Variants in KMT2B observed in about 807,000 individuals in gnomAD.
KMT2B encodes the protein histone-lysine N-methyltransferase 2B.
A neutral mutation model predicts 255.3 loss-of-function variants in KMT2B; 22 were observed. The ratio of observed to expected loss-of-function variants is 0.09; its 90% confidence interval spans 0.06 to 0.12. KMT2B has a LOEUF of 0.12. KMT2B is among the 10% of genes least tolerant of loss of function. The pLI is 1.00. For missense variants in KMT2B, 3,149 were observed against 3,737.0 expected (o/e 0.84, Z 4.10); for synonymous variants, 1,730 against 1,498.1 (o/e 1.15, Z -3.57).
intron 19 of KMT2B, 74 bp downstream of exon 19, chr19:35,728,245 G>A: frequency 7.5e-7 from 1 of 1,325,878 alleles, no homozygotes; most frequent in Non-Finnish European, 1.1e-6. Context: ...GCCACGCTGG[G>A]CTGAGAAGAG....
rs746794862 is a variant in KMT2B at position 35,730,794 on chromosome 19, G to T, written c.5364G>T (p.Pro1788=). The part of the protein sequence containing the change: ...CRILEYRPWG[P]REEPAHLEAA... The stretch of plus-strand genomic sequence containing the variant: ...TTCTGGAGTATCGGCCATGGGGGCC[G>T]AGGGAAGAGCCAGCTCACCTGGAGG... The change falls in exon 26 of 37, where the codon CCG becomes CCT. Residue 1788 remains proline (P), a synonymous_variant. Coordinates refer to ENST00000420124, the MANE Select transcript of KMT2B (RefSeq NM_014727.3). 6.2e-7 allele frequency: 1 copy of T among 1,613,622 alleles called. No homozygotes were observed. The highest frequency in any genetic ancestry group is 1.3e-5 in the African/African-American group (1 of 74,942).
Position 35,726,280 on chromosome 19 carries a change from A to G in KMT2B, c.3930A>G (p.Pro1310=). The G allele has an allele frequency of 6.2e-7, 1 of 1,613,842 alleles. No individual in the cohort carries two copies. Among genetic ancestry groups the G allele is most frequent in the Non-Finnish European group, 8.5e-7 (1 of 1,179,858 alleles). ...CVRCKSCGAT[P]GKNWDVEWSG... ...GCTGTAAGAGCTGTGGGGCAACTCC[A>G]GGCAAGAACTGGGACGTCGAGTGGT... The change falls in exon 14 of 37, where the codon CCA becomes CCG. Residue 1310 remains proline, a synonymous_variant. Transcript: ENST00000420124.
At chr19:35,728,916 C>T in intron 20 of KMT2B, 27 bp downstream of exon 20, 1 of 1,612,404 alleles carries the variant, frequency 6.2e-7, no homozygotes, top group Non-Finnish European at 8.5e-7. Flanking sequence ...GTCCAGAAGC[C>T]AGGGCCCTGT....
chr19:35,720,672 C>T lies in KMT2B; in HGVS notation c.1325C>T (p.Pro442Leu). The T allele has an allele frequency of 1.4e-6, 2 of 1,480,014 alleles. No individual in the cohort carries two copies. The highest frequency in any genetic ancestry group is 1.4e-5 in the African/African-American group (1 of 69,280). 91.7% of individuals were successfully genotyped at this position (1,480,014 alleles called of 1,614,324 possible). A position where few individuals can be genotyped will look rare whatever the true frequency, so the allele number is the denominator to read the frequency against. ...PPPPVSPPPL[P>L]SPPPPPAQEE... ...CCCCCAGTGTCCCCACCACCTCTAC[C>T]ATCCCCTCCACCGCCTCCTGCCCAA... Residue 442 changes from proline to leucine, a missense_variant, in exon 3 of 37, where the codon CCA (proline) becomes CTA (leucine). Coordinates refer to ENST00000420124, the MANE Select transcript of KMT2B (RefSeq NM_014727.3).
chr19:35,719,787 G>C lies in KMT2B; in HGVS notation c.440G>C (p.Arg147Pro). 6.3e-7 allele frequency: 1 copy of C among 1,587,038 alleles called. No individual in the cohort carries two copies. Among genetic ancestry groups the C allele is most frequent in the Non-Finnish European group, 8.6e-7 (1 of 1,167,584 alleles). ...CCCACAACTATTCTCCTTTTAGGTC[G>C]AGCGCCCCGAGGTCGGGGTCGCAAG... is the stretch of plus-strand genomic sequence containing the variant. ...LRSALRSQRG[R>P]APRGRGRKHK... Residue 147 changes from arginine (R) to proline (P), a missense_variant, in exon 3 of 37, where the codon CGA becomes CCA. Physicochemically the swap from Arg to Pro is moderately radical, Grantham distance 103. Transcript: ENST00000420124.
chr19:35,730,919 C>A, intron 26 of KMT2B, 52 bp downstream of exon 26: 1 of 1,500,758 alleles, frequency 6.7e-7, no homozygotes, highest in Non-Finnish European at 8.9e-7. Context: ...CTAAACAAAC[C>A]TACAGATCTC....
intron 13 of KMT2B, 32 bp from the exon 14 acceptor site, chr19:35,726,204 G>A: frequency 6.4e-7 from 1 of 1,553,232 alleles, no homozygotes; most frequent in South Asian, 1.1e-5. Context: ...TCCAGTGCCT[G>A]GTTTTCCCCT....
At position 35,728,125 on chromosome 19, in the gene KMT2B, G is replaced by A. The variant is rs1026487026; in HGVS notation, c.4525G>A (p.Asp1509Asn). ...KLLESAFGWF[D>N]AHDPKYWRRS... ...GCTAGAATCTGCGTTCGGCTGGTTC[G>A]ACGCCCACGACCCCAAGTACTGGCG... The change falls in exon 19 of 37, where the codon GAC (aspartate) becomes AAC (asparagine). Residue 1509 changes from aspartate to asparagine, a missense_variant. By Grantham distance (23) the Asp-to-Asn change is conservative. This residue lies in a region of KMT2B where 377 missense variants were observed against 471.0 expected (regional missense o/e 0.80). Coordinates refer to ENST00000420124, the MANE Select transcript of KMT2B (RefSeq NM_014727.3). 6.3e-6 allele frequency: 10 copies of A among 1,599,790 alleles called. No individual in the cohort carries two copies. The highest frequency in any genetic ancestry group is 8.5e-6 in the Non-Finnish European group (10 of 1,173,760).
intron 3 of KMT2B, 60 bp downstream of exon 3, chr19:35,721,864 C>T: frequency 6.8e-7 from 1 of 1,472,044 alleles, no homozygotes; most frequent in Non-Finnish European, 9.0e-7. Flanking sequence ...TTCTTTGCAA[C>T]CCCCTAACCT....
chr19:35,728,064 C>T, intron 18 of KMT2B, 34 bp from the exon 19 acceptor site: 4 of 1,573,526 alleles, frequency 2.5e-6, no homozygotes, highest in Non-Finnish European at 2.6e-6. Context: ...CCTGGGGAAG[C>T]TGGCTCTTCT....
Position 35,725,309 on chromosome 19 carries a change from G to C in KMT2B, c.3618G>C (p.Leu1206=). The change falls in exon 11 of 37, where the codon CTG becomes CTC. Residue 1206 remains leucine (L), a synonymous_variant. Transcript: ENST00000420124. The surrounding 1 kb of genome is among the most constrained non-coding windows in gnomAD (Gnocchi z 4.1). The stretch of plus-strand genomic sequence containing the variant: ...GGGGCCCCCCGATGGTGTGCTTGCT[G>C]TGTGCCAGCAAAGGACTCCACGAGG... ...VPGGPPMVCL[L]CASKGLHELV... 6.4e-7 allele frequency: 1 copy of C among 1,570,112 alleles called. No homozygotes were observed. The highest frequency in any genetic ancestry group is 8.6e-7 in the Non-Finnish European group (1 of 1,158,118).
chr19:35,726,929 A>C (rs1251079863), intron 14 of KMT2B, among the ~76,000 whole-genome samples: 2 of 145,748 alleles, frequency 1.4e-5, no homozygotes, highest in Non-Finnish European at 3.0e-5. Context: ...GGTTGCAGTG[A>C]GCGGAGATCT....
At position 35,721,651 on chromosome 19, in the gene KMT2B, G is replaced by C; in HGVS notation, c.2304G>C (p.Gln768His). ...PQLQPPPSPQ[Q>H]MPPLEKARIA... is the part of the protein sequence containing the mutation. ...TGCAGCCACCGCCGTCACCACAGCAGATGCCTCCCCTGGAAAAAGCCCGGA... is the reference window on the plus strand; with the variant it reads ...TGCAGCCACCGCCGTCACCACAGCACATGCCTCCCCTGGAAAAAGCCCGGA... The change falls in exon 3 of 37, where the codon CAG (glutamine) becomes CAC (histidine). Residue 768 changes from glutamine to histidine, a missense_variant. Physicochemically the swap from Gln to His is conservative, Grantham distance 24. Coordinates refer to ENST00000420124, the MANE Select transcript of KMT2B (RefSeq NM_014727.3). 6.2e-7 allele frequency: 1 copy of C among 1,613,490 alleles called. No individual in the cohort carries two copies. The highest frequency in any genetic ancestry group is 1.1e-5 in the South Asian group (1 of 91,058).
At chr19:35,734,352 A>C (rs1354126942) in intron 30 of KMT2B, among the ~76,000 whole-genome samples, 5 of 152,176 alleles carry the variant, frequency 3.3e-5, no homozygotes. Context: ...GTTGGTGTCC[A>C]GTGAGAGCAG....
In KMT2B at chr19:35,721,003, C is replaced by T. The variant is rs1356617566; in HGVS notation, c.1656C>T (p.Pro552=). The change falls in exon 3 of 37, where the codon CCC becomes CCT. Residue 552 remains proline, a synonymous_variant. Coordinates refer to ENST00000420124, the MANE Select transcript of KMT2B (RefSeq NM_014727.3). The part of the protein sequence containing the change: ...TPRRFMDEDP[P]KPPKVEVSPV... ...GGCGATTTATGGATGAAGACCCCCC[C>T]AAACCCCCAAAGGTGGAGGTCTCAC... is the stretch of plus-strand genomic sequence containing the variant. 3.1e-6 allele frequency: 5 copies of T among 1,610,446 alleles called. No individual in the cohort carries two copies. In the African/African-American group the frequency reaches 5.4e-5, roughly 17 times the overall value.
In KMT2B at chr19:35,718,047, G is replaced by T. The variant is rs1373187915; in HGVS notation, c.29G>T (p.Cys10Phe). The change falls in exon 1 of 37, where the codon TGC (cysteine) becomes TTC (phenylalanine). Residue 10 changes from cysteine to phenylalanine, a missense_variant. Physicochemically the swap from Cys to Phe is radical, Grantham distance 205 (BLOSUM62 -2). Transcript: ENST00000420124. This position sits in a 1 kb window ranked among gnomAD's most constrained non-coding sequence, Gnocchi z 5.0. ...GCGGCGGCGGCGGGCGGCGGCAGTT[G>T]CCCCGGGCCTGGCTCCGCGCGGGGC... MAAAAGGGS[C>F]PGPGSARGRF... 11 of 986,058 alleles carry T rather than the reference G, an allele frequency of 1.1e-5. No homozygotes were observed. Among genetic ancestry groups the T allele is most frequent in the African/African-American group, 5.3e-5 (3 of 56,766 alleles). The allele number at this position is 986,058 out of a possible 1,614,324, so 61.1% of individuals were successfully genotyped here.
chr19:35,736,931 C>G lies in KMT2B; in HGVS notation c.7317C>G (p.Ile2439Met), dbSNP rs376816294. 1.9e-6 allele frequency: 3 copies of G among 1,613,880 alleles called. No homozygotes were observed. The highest frequency in any genetic ancestry group is 4.5e-5 in the East Asian group (2 of 44,880). The change falls in exon 32 of 37, where the codon ATC (isoleucine) becomes ATG (methionine). Residue 2439 changes from isoleucine (I) to methionine (M), a missense_variant. Transcript: ENST00000420124. ...ESLEGAWRTLIEKVQEARGHA... is the reference protein window; with the variant it reads ...ESLEGAWRTLMEKVQEARGHA... ...CCCCAGGGGCGTGGAGAACTCTGAT[C>G]GAGAAAGTGCAAGAGGCCCGAGGGC...
Position 35,737,689 on chromosome 19 carries a change from C to G in KMT2B, c.7604C>G (p.Pro2535Arg). Reference protein sequence around the residue: ...NFLASQHRVLPEGATCDEEED... With the variant: ...NFLASQHRVLREGATCDEEED... ...CTGGCCTCCCAGCACCGGGTGCTCC[C>G]TGAGGGGGCCACCTGTGATGAGGAA... The change falls in exon 34 of 37, where the codon CCT becomes CGT. Residue 2535 changes from proline (P) to arginine (R), a missense_variant. Pro to Arg is a moderately radical substitution (Grantham distance 103, BLOSUM62 -2). Around this residue, in one of 18 missense-constraint regions of KMT2B, gnomAD observed 103 missense variants for 200.7 expected, o/e 0.51. Transcript: ENST00000420124. This position sits in a 1 kb window ranked among gnomAD's most constrained non-coding sequence, Gnocchi z 5.3. The G allele has an allele frequency of 6.3e-7, 1 of 1,582,664 alleles. No homozygotes were observed. The highest frequency in any genetic ancestry group is 8.6e-7 in the Non-Finnish European group (1 of 1,164,182).
chr19:35,737,487 G>A lies in KMT2B; in HGVS notation c.7551-149G>A. ...GCATGAGCCCAGGAGTTGGAGACCA[G>A]CGTAGGCAACATGGCAAAACCCCAT... On this transcript the variant is annotated intron_variant, in intron 33 of 36. Coordinates refer to ENST00000420124, the MANE Select transcript of KMT2B (RefSeq NM_014727.3). This position sits in a 1 kb window ranked among gnomAD's most constrained non-coding sequence, Gnocchi z 5.3. 1.3e-6 allele frequency: 1 copy of A among 748,200 alleles called. No homozygotes were observed. The highest frequency in any genetic ancestry group is 2.1e-6 in the Non-Finnish European group (1 of 471,784). The allele number at this position is 748,200 out of a possible 1,614,324, so 46.3% of individuals were successfully genotyped here. A position where few individuals can be genotyped will look rare whatever the true frequency, so the allele number is the denominator to read the frequency against.
Sources: allele counts gnomAD v4.1 joint callset (sites outside exome capture counted in the v4.1 genomes callset), GRCh38; gene constraint gnomAD v4.1.1; regional missense constraint gnomAD v4.1.1; non-coding constraint Gnocchi (gnomAD v3.1); transcripts MANE v1.5; gene names NCBI Gene and HGNC (gene_info 2026-07-23, HGNC 2026-07-21).